GRIN2A: variants seen among roughly 807,000 people sequenced by gnomAD.
GRIN2A encodes the protein glutamate receptor ionotropic, NMDA 2A.
In GRIN2A, 22 loss-of-function variants were observed where a neutral mutation model predicts 113.4. That is an observed-to-expected ratio of 0.19 (90% CI 0.14 to 0.28). The LOEUF is 0.28. GRIN2A is among the 10% of genes least tolerant of loss of function. GRIN2A has a pLI of 1.00. For synonymous variants in GRIN2A, 827 were observed against 738.4 expected (o/e 1.12, Z -1.94); for missense variants, 1,502 against 1,887.0 (o/e 0.80, Z 3.78).
intron 2 of GRIN2A, among the ~76,000 whole-genome samples, chr16:10,041,160 A>G (rs1404592669): frequency 6.6e-6 from 1 of 152,212 alleles, no homozygotes; most frequent in East Asian, 1.9e-4. Context: ...GGGAATGTGT[A>G]AGACTTCACT....
At chr16:9,915,178 C>T (rs545705069) in intron 3 of GRIN2A, among the ~76,000 whole-genome samples, 6 of 151,508 alleles carry the variant, frequency 4.0e-5, no homozygotes, top group Admixed American at 2.6e-4. Flanking sequence ...CCTCATGATC[C>T]GCCCGCCTCA....
chr16:9,851,423 T>C lies in GRIN2A; in HGVS notation c.1123-1462A>G, dbSNP rs148001775. On this transcript the variant is annotated intron_variant, in intron 4 of 12. Coordinates refer to ENST00000330684, the MANE Select transcript of GRIN2A (RefSeq NM_001134407.3). ...TCTTCATTCATTCGACATAGATTTA[T>C]TGAAGACCTACGATGTCCCAGTGCC... Among the ~76,000 whole-genome samples the C allele has an allele frequency of 3.3e-3, 507 of 152,338 alleles. 3 individuals are homozygous for C. Among genetic ancestry groups the C allele is most frequent in the Middle Eastern group, 0.017 (5 of 294 alleles).
At chr16:9,817,122 A>T (rs941473269) in intron 10 of GRIN2A, among the ~76,000 whole-genome samples, 56 of 152,368 alleles carry the variant, frequency 3.7e-4, no homozygotes, top group African/African-American at 1.3e-3. Flanking sequence ...TCTTCAAAAA[A>T]TTAGGGATTC....
chr16:10,144,794 C>G (rs2049400292), intron 2 of GRIN2A, among the ~76,000 whole-genome samples: 2 of 151,168 alleles, frequency 1.3e-5, no homozygotes, highest in South Asian at 4.2e-4. Context: ...GGTGGCACAC[C>G]CCTGTAATCC....
chr16:9,836,840 T>C (rs1471127158), intron 7 of GRIN2A, among the ~76,000 whole-genome samples: 2 of 152,170 alleles, frequency 1.3e-5, no homozygotes, highest in African/African-American at 4.8e-5. Context: ...GATTCAACAT[T>C]TGTCCATGAA....
At chr16:9,818,915 T>G (rs1308839646) in intron 10 of GRIN2A, among the ~76,000 whole-genome samples, 4 of 152,226 alleles carry the variant, frequency 2.6e-5, no homozygotes, top group African/African-American at 9.6e-5. Context: ...TACAAAGATA[T>G]TCACTACAGC....
At chr16:9,869,692 A>AT (rs1268679376) in intron 4 of GRIN2A, among the ~76,000 whole-genome samples, 8 of 152,308 alleles carry the variant, frequency 5.3e-5, no homozygotes, top group African/African-American at 1.7e-4. Context: ...TAATCACATC[A>AT]TATTATTCTC....
chr16:9,928,223 A>C (rs1311019758), intron 3 of GRIN2A, among the ~76,000 whole-genome samples: 1 of 152,184 alleles, frequency 6.6e-6, no homozygotes, highest in Non-Finnish European at 1.5e-5. Context: ...GAGAGAAGCA[A>C]AGAAGCAAGG....
chr16:9,840,830 A>AAAAAAG, intron 6 of GRIN2A, 30 bp from the exon 7 acceptor site: 1 of 1,309,288 alleles, frequency 7.6e-7, no homozygotes, highest in Non-Finnish European at 1.0e-6. Flanking sequence ...AAAAAAAAAA[A>AAAAAAG]AAAGAGAGAG....
At chr16:10,159,041 G>C (rs1299893568) in intron 2 of GRIN2A, among the ~76,000 whole-genome samples, 1 of 152,104 alleles carries the variant, frequency 6.6e-6, no homozygotes, top group Non-Finnish European at 1.5e-5. Flanking sequence ...GTGGAGTCAG[G>C]AGACCTGAGT....
chr16:10,159,678 G>A (rs2049772653), intron 2 of GRIN2A, among the ~76,000 whole-genome samples: 1 of 152,110 alleles, frequency 6.6e-6, no homozygotes, highest in African/African-American at 2.4e-5. Flanking sequence ...GAGGAAGGAA[G>A]AAGATACACT....
intron 4 of GRIN2A, among the ~76,000 whole-genome samples, chr16:9,886,406 C>T (rs563070372): frequency 6.6e-6 from 1 of 152,206 alleles, no homozygotes; most frequent in South Asian, 2.1e-4. Flanking sequence ...GTCCCAAATG[C>T]ATGAAGGAAC....
intron 2 of GRIN2A, among the ~76,000 whole-genome samples, chr16:9,955,894 G>T (rs1348527716): frequency 6.6e-6 from 1 of 152,150 alleles, no homozygotes; most frequent in Non-Finnish European, 1.5e-5. Context: ...AACCCATCAG[G>T]CTGTATCACC....
chr16:9,997,753 T>C (rs1198475710), intron 2 of GRIN2A, among the ~76,000 whole-genome samples: 1 of 152,014 alleles, frequency 6.6e-6, no homozygotes, highest in African/African-American at 2.4e-5. Context: ...TGGAGGTGGG[T>C]TTTTCCTGTG....
At chr16:10,170,522 G>T (rs2050020019) in intron 2 of GRIN2A, among the ~76,000 whole-genome samples, 1 of 152,184 alleles carries the variant, frequency 6.6e-6, no homozygotes, top group Admixed American at 6.5e-5. Context: ...ACCATGTGAG[G>T]TAATGGATAT....
intron 2 of GRIN2A, among the ~76,000 whole-genome samples, chr16:10,167,651 T>C (rs967556724): frequency 5.3e-5 from 8 of 152,256 alleles, no homozygotes; most frequent in African/African-American, 1.9e-4. Flanking sequence ...GATGCATTAA[T>C]GGAGCAAATA....
intron 9 of GRIN2A, among the ~76,000 whole-genome samples, chr16:9,826,575 C>A (rs1268509750): frequency 6.6e-6 from 1 of 151,958 alleles, no homozygotes. Flanking sequence ...CCACAGTGTA[C>A]AATAAATTGA....
Position 10,082,588 on chromosome 16 carries a change from G to A in GRIN2A, c.414+97410C>T, listed in dbSNP as rs117441998. Among the ~76,000 whole-genome samples, 53 of 152,314 alleles carry A rather than the reference G, an allele frequency of 3.5e-4. No individual in the cohort carries two copies. In the East Asian group the frequency reaches 9.1e-3, roughly 26 times the overall value. ...CAAGGTGGGCCTGGCCTCATCAGAT[G>A]AGCCCTTTAAAAGAAGGCTTAAACC... On this transcript the variant is annotated intron_variant, in intron 2 of 12. Coordinates refer to ENST00000330684, the MANE Select transcript of GRIN2A (RefSeq NM_001134407.3).
intron 2 of GRIN2A, among the ~76,000 whole-genome samples, chr16:10,074,546 C>A (rs952639520): frequency 6.6e-6 from 1 of 152,166 alleles, no homozygotes; most frequent in African/African-American, 2.4e-5. Flanking sequence ...ATGTTATACA[C>A]CCATAAAAAG....
Sources: allele counts gnomAD v4.1 joint callset (sites outside exome capture counted in the v4.1 genomes callset), GRCh38; gene constraint gnomAD v4.1.1; transcripts MANE v1.5; gene names NCBI Gene and HGNC (gene_info 2026-07-23, HGNC 2026-07-21).